KCNIP1: variants seen among roughly 807,000 people sequenced by gnomAD.
KCNIP1 encodes the protein potassium voltage-gated channel interacting protein 1.
Under a neutral mutation model 33.0 loss-of-function variants are expected in KCNIP1, and 18 were observed. The observed-to-expected ratio is 0.55, with a 90% CI of 0.38 to 0.81. The LOEUF (loss-of-function observed/expected upper bound fraction) is 0.81. Among genes scored for constraint, KCNIP1 ranks in the 30% least tolerant of loss-of-function variants. KCNIP1 has a pLI of 0.00. For synonymous variants in KCNIP1, 93 were observed against 98.3 expected (o/e 0.95, Z 0.32); for missense variants, 238 against 271.6 (o/e 0.88, Z 0.87).
chr5:170,574,140 C>T (rs946420515), intron 1 of KCNIP1, among the ~76,000 whole-genome samples: 1 of 152,184 alleles, frequency 6.6e-6, no homozygotes, highest in African/African-American at 2.4e-5. Flanking sequence ...TTTGCAGCTA[C>T]AGAAAGCAGT....
intron 1 of KCNIP1, among the ~76,000 whole-genome samples, chr5:170,624,790 G>T (rs1264627921): frequency 6.6e-6 from 1 of 150,668 alleles, no homozygotes; most frequent in Non-Finnish European, 1.5e-5. Context: ...GGGGAGAAAA[G>T]CGCAGCTGGC....
At chr5:170,462,180 C>T (rs568240145) in intron 1 of KCNIP1, among the ~76,000 whole-genome samples, 51 of 145,790 alleles carry the variant, frequency 3.5e-4, no homozygotes, top group African/African-American at 1.2e-3. Flanking sequence ...ACAGACAACC[C>T]AGAGAGTGGG....
intron 1 of KCNIP1, among the ~76,000 whole-genome samples, chr5:170,528,774 C>T (rs1006913528): frequency 6.6e-6 from 1 of 152,194 alleles, no homozygotes; most frequent in African/African-American, 2.4e-5. Context: ...GGACTTTAGA[C>T]CATTTTTCAT....
chr5:170,632,473 G>A (rs1012420183), intron 1 of KCNIP1, among the ~76,000 whole-genome samples: 5 of 152,248 alleles, frequency 3.3e-5, no homozygotes, highest in African/African-American at 1.2e-4. Flanking sequence ...AGAGCACTCT[G>A]CCTCCCTAGG....
At chr5:170,680,869 T>C (rs1762317467) in intron 1 of KCNIP1, 1 of 388,376 alleles carries the variant, frequency 2.6e-6, no homozygotes, top group Non-Finnish European at 4.5e-6. Flanking sequence ...CTATGAAACA[T>C]AGAGATTACC....
chr5:170,472,987 G>A (rs1756771426), intron 1 of KCNIP1, among the ~76,000 whole-genome samples: 1 of 152,176 alleles, frequency 6.6e-6, no homozygotes, highest in South Asian at 2.1e-4. Flanking sequence ...TCTACCTCTA[G>A]TACTTTAAGG....
chr5:170,583,424 A>G (rs906784399), intron 1 of KCNIP1, among the ~76,000 whole-genome samples: 5 of 152,050 alleles, frequency 3.3e-5, no homozygotes, highest in Admixed American at 2.6e-4. Flanking sequence ...CGTGGTGGTG[A>G]TGATGATGAT....
intron 1 of KCNIP1, chr5:170,383,599 C>G (rs748640750): frequency 6.6e-7 from 1 of 1,508,418 alleles, no homozygotes; most frequent in East Asian, 2.3e-5. Context: ...TTCTCAGCCT[C>G]GGGGACAGGG....
rs115338108 is a variant in KCNIP1 at position 170,624,618 on chromosome 5, G to A, written c.62-94140G>A. Among the ~76,000 whole-genome samples the A allele has an allele frequency of 2.8e-3, 430 of 151,488 alleles. 2 individuals are homozygous for A. Among genetic ancestry groups the A allele is most frequent in the African/African-American group, 1.0e-2 (412 of 41,228 alleles). ...TCCAATTAAAATGTCAATCTCACAC[G>A]CAGTTTAAACGTTTCGCCTGCCCGT... On this transcript the variant is annotated intron_variant, in intron 1 of 7. Transcript: ENST00000328939.
At chr5:170,609,627 G>T (rs905449237) in intron 1 of KCNIP1, among the ~76,000 whole-genome samples, 3 of 151,992 alleles carry the variant, frequency 2.0e-5, no homozygotes, top group African/African-American at 7.3e-5. Context: ...AATCACTTGA[G>T]GCCAGGAGTT....
rs180679065 is a variant in KCNIP1 at position 170,549,150 on chromosome 5, C to G, written c.61+44517C>G. Among the ~76,000 whole-genome samples the G allele has an allele frequency of 3.0e-3, 462 of 152,312 alleles. 1 individual carries two copies. Among genetic ancestry groups the G allele is most frequent in the African/African-American group, 0.011 (443 of 41,578 alleles). ...TATTTACTCTAATGAAAAAAAATCTCACCTGGGCTGAAAAAGCGTATGCTA... is the reference window on the plus strand; with the variant it reads ...TATTTACTCTAATGAAAAAAAATCTGACCTGGGCTGAAAAAGCGTATGCTA... On this transcript the variant is annotated intron_variant, in intron 1 of 7. Coordinates refer to ENST00000328939, the MANE Select transcript of KCNIP1 (RefSeq NM_014592.4).
intron 1 of KCNIP1, among the ~76,000 whole-genome samples, chr5:170,579,393 C>T (rs193051751): frequency 3.0e-4 from 46 of 152,262 alleles, no homozygotes; most frequent in Admixed American, 7.2e-4. Context: ...GATCTATGTA[C>T]GACACTTAGA....
chr5:170,551,748 CGT>C (rs538185357), intron 1 of KCNIP1, among the ~76,000 whole-genome samples: 71 of 150,390 alleles, frequency 4.7e-4, no homozygotes, highest in African/African-American at 1.5e-3. Context: ...TGTGTATATG[CGT>C]GTGTGTGTAT....
chr5:170,552,326 C>T (rs1467178940), intron 1 of KCNIP1, among the ~76,000 whole-genome samples: 1 of 152,146 alleles, frequency 6.6e-6, no homozygotes, highest in Non-Finnish European at 1.5e-5. Flanking sequence ...ACAGCAGAAC[C>T]AGTTTGCGTT....
At chr5:170,594,422 A>G (rs568417390) in intron 1 of KCNIP1, among the ~76,000 whole-genome samples, 3 of 152,318 alleles carry the variant, frequency 2.0e-5, no homozygotes, top group East Asian at 3.9e-4. Flanking sequence ...TGGTTACAAG[A>G]GCAGCACTTC....
At chr5:170,448,948 A>G (rs1756183318) in intron 1 of KCNIP1, among the ~76,000 whole-genome samples, 1 of 152,224 alleles carries the variant, frequency 6.6e-6, no homozygotes, top group East Asian at 1.9e-4. Context: ...GGACCCGTCT[A>G]GGGCTACGCA....
At chr5:170,411,149 C>T (rs78823955) in intron 1 of KCNIP1, among the ~76,000 whole-genome samples, 4,661 of 152,332 alleles carry the variant, frequency 0.031, 119 homozygotes, top group East Asian at 0.069. Context: ...TGATTGCATC[C>T]AAGCGATGCT....
chr5:170,652,853 C>T (rs1254434344), intron 1 of KCNIP1, among the ~76,000 whole-genome samples: 4 of 152,232 alleles, frequency 2.6e-5, no homozygotes, highest in Non-Finnish European at 5.9e-5. Flanking sequence ...TCCCATTTTA[C>T]AGATGGGGAA....
At chr5:170,670,818 C>G (rs1761888770) in intron 1 of KCNIP1, among the ~76,000 whole-genome samples, 1 of 151,934 alleles carries the variant, frequency 6.6e-6, no homozygotes, top group African/African-American at 2.4e-5. Flanking sequence ...ATTGCTTGAG[C>G]CTGGGAGGTG....
Sources: gnomAD v4.1 joint callset for allele counts (sites outside exome capture counted in the v4.1 genomes callset) on GRCh38, gnomAD v4.1.1 for gene constraint, MANE v1.5 for transcripts, NCBI Gene and HGNC (gene_info 2026-07-23, HGNC 2026-07-21) for gene names.